MATN3: variants seen among roughly 807,000 people sequenced by gnomAD.
The protein encoded by MATN3 is matrilin 3, also known as matrilin-3.
In MATN3, 48 loss-of-function variants were observed where a neutral mutation model predicts 45.3. The observed-to-expected ratio is 1.06, with a 90% CI of 0.84 to 1.35. The LOEUF (loss-of-function observed/expected upper bound fraction) is 1.35. MATN3 is among the 40% of genes most tolerant of loss of function. The pLI, the probability that MATN3 is intolerant of heterozygous loss-of-function variation, is 0.00. For synonymous variants in MATN3, 217 were observed against 245.9 expected, an observed-to-expected ratio of 0.88 and a Z score of 1.10; for missense variants, 599 against 628.0, an observed-to-expected ratio of 0.95 and a Z score of 0.49.
At chr2:20,007,948 A>G (rs957933273) in intron 1 of MATN3, among the ~76,000 whole-genome samples, 2 of 152,166 alleles carry the variant, frequency 1.3e-5, no homozygotes, top group African/African-American at 4.8e-5. Flanking sequence ...ACAAGAAAAA[A>G]AGCCAATTAT....
In MATN3 at chr2:20,012,298, T is replaced by A; in HGVS notation, c.223+111A>T. The A allele has an allele frequency of 1.2e-6, 1 of 829,364 alleles. No homozygotes were observed. Among genetic ancestry groups the A allele is most frequent in the Non-Finnish European group, 1.6e-6 (1 of 623,332 alleles). 51.4% of individuals were successfully genotyped at this position (829,364 alleles called of 1,614,324 possible). A position where few individuals can be genotyped will look rare whatever the true frequency, so the allele number is the denominator to read the frequency against. On this transcript the variant is annotated intron_variant, in intron 1 of 7. Transcript: ENST00000407540. The surrounding 1 kb of genome is among the most constrained non-coding windows in gnomAD (Gnocchi z 4.3). ...CCACAGGATTCATCCGGGAGGGGCC[T>A]CTTTCCCCCGCACCACGGTCGGCCT...
rs568975408 is a variant in MATN3 at position 20,001,943 on chromosome 2, T to C, written c.1042+12A>G. On this transcript the variant is annotated intron_variant, in intron 4 of 7. Coordinates refer to ENST00000407540, the MANE Select transcript of MATN3 (RefSeq NM_002381.5). ...GCTAAGTAGCAATAGTAAAGACTCCTCCCTCACTTACCTGAACAAGTTTTC... is the reference window on the plus strand; with the variant it reads ...GCTAAGTAGCAATAGTAAAGACTCCCCCCTCACTTACCTGAACAAGTTTTC... The C allele has an allele frequency of 6.2e-7, 1 of 1,612,168 alleles. No homozygotes were observed. Among genetic ancestry groups the C allele is most frequent in the South Asian group, 1.1e-5 (1 of 90,702 alleles).
intron 1 of MATN3, among the ~76,000 whole-genome samples, chr2:20,009,038 A>C (rs1217751189): frequency 3.9e-5 from 6 of 152,050 alleles, no homozygotes; most frequent in Non-Finnish European, 8.8e-5. Context: ...CAGCCTGGGC[A>C]ACATAGGGAG....
chr2:19,992,116 G>A lies in MATN3; in HGVS notation c.*995C>T, dbSNP rs1672769339. 1 of 152,082 alleles carries A rather than the reference G, an allele frequency of 6.6e-6. No individual in the cohort carries two copies. The highest frequency in any genetic ancestry group is 2.4e-5 in the African/African-American group (1 of 41,414). 9.4% of individuals were successfully genotyped at this position (152,082 alleles called of 1,614,324 possible). ...TCATCAAAAATAGACATGATAATAT[G>A]TAAAGGTAATAACTTTTATTATATT... On this transcript the variant is annotated 3_prime_UTR_variant, in exon 8 of 8. Coordinates refer to ENST00000407540, the MANE Select transcript of MATN3 (RefSeq NM_002381.5).
chr2:20,007,397 C>T (rs192765174), intron 1 of MATN3, among the ~76,000 whole-genome samples: 324 of 147,192 alleles, frequency 2.2e-3, no homozygotes, highest in African/African-American at 7.7e-3. Context: ...GTCGTAGTGG[C>T]ATGTGCCTGT....
chr2:20,011,582 T>G (rs550465954), intron 1 of MATN3, among the ~76,000 whole-genome samples: 85 of 152,364 alleles, frequency 5.6e-4, no homozygotes, highest in African/African-American at 1.8e-3. Flanking sequence ...TGGCACAGAC[T>G]CTTTTTAGCA....
In MATN3 at chr2:20,012,457, C is replaced by G; in HGVS notation, c.175G>C (p.Gly59Arg). The change falls in exon 1 of 8, where the codon GGC becomes CGC. Residue 59 changes from glycine to arginine, a missense_variant. Gly to Arg is a moderately radical substitution (Grantham distance 125). Coordinates refer to ENST00000407540, the MANE Select transcript of MATN3 (RefSeq NM_002381.5). This position sits in a 1 kb window ranked among gnomAD's most constrained non-coding sequence, Gnocchi z 4.3. ...GRRPSPAAPD[G>R]APASGTSEPG... ...TCGCTGGTCCCGGAAGCGGGCGCGC[C>G]GTCGGGAGCCGCAGGAGAGGGGCGG... 1.6e-6 allele frequency: 2 copies of G among 1,229,338 alleles called. No homozygotes were observed. The highest frequency in any genetic ancestry group is 2.0e-6 in the Non-Finnish European group (2 of 986,392). The allele number at this position is 1,229,338 out of a possible 1,614,324, so 76.2% of individuals were successfully genotyped here.
chr2:19,996,396 CTG>C (rs1672869018), intron 6 of MATN3, among the ~76,000 whole-genome samples: 1 of 151,920 alleles, frequency 6.6e-6, no homozygotes, highest in Non-Finnish European at 1.5e-5. Context: ...CAATGAAAGA[CTG>C]TTAAAATGGC....
chr2:19,999,579 T>C (rs528070856), intron 5 of MATN3, among the ~76,000 whole-genome samples: 1 of 142,606 alleles, frequency 7.0e-6, no homozygotes, highest in Non-Finnish European at 1.5e-5. Context: ...CTTAGTTCCA[T>C]ACTGGGAACA....
At chr2:20,010,571 A>C (rs1485307863) in intron 1 of MATN3, among the ~76,000 whole-genome samples, 2 of 152,218 alleles carry the variant, frequency 1.3e-5, no homozygotes, top group Non-Finnish European at 2.9e-5. Flanking sequence ...AAATGTGAGT[A>C]ACTCAATGGG....
intron 2 of MATN3, among the ~76,000 whole-genome samples, chr2:20,003,761 T>C (rs527438678): frequency 3.9e-5 from 6 of 152,318 alleles, no homozygotes; most frequent in Admixed American, 6.5e-5. Context: ...CAAGTCTGGG[T>C]CTAAGCCTAG....
intron 4 of MATN3, 62 bp from the exon 5 acceptor site, chr2:20,000,628 A>T (rs1177057906): frequency 2.0e-6 from 3 of 1,493,058 alleles, no homozygotes; most frequent in Non-Finnish European, 2.7e-6. Flanking sequence ...ATTACCCAGG[A>T]TAGAAACCTT....
Position 19,999,014 on chromosome 2 carries a change from T to C in MATN3, c.1168+1427A>G, listed in dbSNP as rs79412385. On this transcript the variant is annotated intron_variant, in intron 5 of 7. Transcript: ENST00000407540. ...GTGAGTATTAAGGTACATTACTGTA[T>C]CTAAAATGCCTAGAATCCTGCATGG... 2.1e-3 allele frequency among the ~76,000 whole-genome samples: 317 copies of C among 152,180 alleles called. 2 individuals carry two copies. The highest frequency in any genetic ancestry group is 7.5e-3 in the African/African-American group (310 of 41,514).
rs763060183 is a variant in MATN3 at position 19,992,357 on chromosome 2, A to C, written c.*754T>G. The C allele has an allele frequency of 1.1e-4, 16 of 152,198 alleles. No individual in the cohort carries two copies. Among genetic ancestry groups the C allele is most frequent in the Admixed American group, 3.9e-4 (6 of 15,284 alleles). The allele number at this position is 152,198 out of a possible 1,614,324, so 9.4% of individuals were successfully genotyped here. ...AGACAACATTAGATTTTGTCGATTT[A>C]TAGCAATTTTATAAATATATAACTT... On this transcript the variant is annotated 3_prime_UTR_variant, in exon 8 of 8. Coordinates refer to ENST00000407540, the MANE Select transcript of MATN3 (RefSeq NM_002381.5).
At chr2:20,009,353 G>A (rs765626361) in intron 1 of MATN3, among the ~76,000 whole-genome samples, 15 of 150,954 alleles carry the variant, frequency 9.9e-5, no homozygotes, top group Non-Finnish European at 1.8e-4. Flanking sequence ...GCTGGAAGCC[G>A]TCATTCTCAG....
intron 2 of MATN3, among the ~76,000 whole-genome samples, chr2:20,003,500 A>T (rs185808925): frequency 6.6e-6 from 1 of 152,262 alleles, no homozygotes; most frequent in African/African-American, 2.4e-5. Context: ...ACATCTTGCT[A>T]TATAGACTTT....
Position 20,005,949 on chromosome 2 carries a change from T to C in MATN3, c.585A>G (p.Thr195=). The change falls in exon 2 of 8, where the codon ACA becomes ACG. Residue 195 remains threonine, a synonymous_variant. Transcript: ENST00000407540. ...TCACCTGGTCCTGGGGCCTCCCATC[T>C]GTAACAATGATGGCCACCTTAGGGA... ...SNIPKVAIIV[T]DGRPQDQVNE... The C allele has an allele frequency of 1.2e-6, 2 of 1,613,938 alleles. No homozygotes were observed. Among genetic ancestry groups the C allele is most frequent in the Non-Finnish European group, 1.7e-6 (2 of 1,179,844 alleles).
At chr2:20,005,372 G>GA (rs1341625769) in intron 2 of MATN3, among the ~76,000 whole-genome samples, 1 of 152,078 alleles carries the variant, frequency 6.6e-6, no homozygotes, top group Admixed American at 6.5e-5. Context: ...TGTATCAGGG[G>GA]AAAAAAATGT....
At position 20,006,212 on chromosome 2, in the gene MATN3, G is replaced by A. The variant is rs753209143; in HGVS notation, c.322C>T (p.Arg108Trp). 5.4e-5 allele frequency: 87 copies of A among 1,613,266 alleles called. 1 individual carries two copies. The highest frequency in any genetic ancestry group is 1.8e-4 in the South Asian group (16 of 90,992). ...CCAATGTCCAGAGTGTCGATTATCC[G>A]GGAGACAAAAGTTTTCACTTTGGTG... is the stretch of plus-strand genomic sequence containing the variant. ...EFTKVKTFVS[R>W]IIDTLDIGPA... Residue 108 changes from arginine (R) to tryptophan (W), a missense_variant, in exon 2 of 8, where the codon CGG becomes TGG. Coordinates refer to ENST00000407540, the MANE Select transcript of MATN3 (RefSeq NM_002381.5).
Sources: allele counts gnomAD v4.1 joint callset (sites outside exome capture counted in the v4.1 genomes callset), GRCh38; gene constraint gnomAD v4.1.1; non-coding constraint Gnocchi (gnomAD v3.1); transcripts MANE v1.5; gene names NCBI Gene and HGNC (gene_info 2026-07-23, HGNC 2026-07-21).